Variants in ABCB11 observed in about 807,000 individuals in gnomAD.
ABCB11 encodes ATP binding cassette subfamily B member 11.
A neutral mutation model predicts 148.0 loss-of-function variants in ABCB11; 95 were observed. That is an observed-to-expected ratio of 0.64 (90% CI 0.54 to 0.76). The LOEUF is 0.76. Ranked by LOEUF, ABCB11 falls within the 30% of genes least tolerant of loss-of-function variation. The pLI is 0.00. For synonymous variants in ABCB11, 591 were observed against 555.4 expected (o/e 1.06, Z -0.90); for missense variants, 1,523 against 1,617.8 (o/e 0.94, Z 1.01).
chr2:168,965,255 T>G (rs1028854499), intron 17 of ABCB11, among the ~76,000 whole-genome samples: 1 of 151,694 alleles, frequency 6.6e-6, no homozygotes, highest in Non-Finnish European at 1.5e-5. Context: ...ATATACTGAG[T>G]ACATGACAAG....
chr2:168,968,127 C>T (rs1010746106), intron 17 of ABCB11, among the ~76,000 whole-genome samples: 1 of 79,306 alleles, frequency 1.3e-5, no homozygotes, highest in Non-Finnish European at 2.5e-5. Flanking sequence ...ACACTAAACA[C>T]AGATTTTTTT....
chr2:168,988,567 C>T (rs1335183271), intron 9 of ABCB11, among the ~76,000 whole-genome samples: 1 of 152,032 alleles, frequency 6.6e-6, no homozygotes, highest in Non-Finnish European at 1.5e-5. Context: ...AATAATGTTG[C>T]AGTGAATGTA....
intron 7 of ABCB11, 100 bp downstream of exon 7, chr2:168,995,249 A>C: frequency 7.4e-6 from 10 of 1,349,424 alleles, no homozygotes; most frequent in Non-Finnish European, 1.0e-5. Flanking sequence ...GATGAAACAT[A>C]GGAAAACTGA....
intron 19 of ABCB11, among the ~76,000 whole-genome samples, chr2:168,948,714 A>G (rs1250342430): frequency 6.6e-6 from 1 of 151,804 alleles, no homozygotes; most frequent in Non-Finnish European, 1.5e-5. Flanking sequence ...TTTTCAGCAT[A>G]AAAGTTTATG....
chr2:169,005,580 TC>T (rs1431864343), intron 5 of ABCB11, among the ~76,000 whole-genome samples: 5 of 152,090 alleles, frequency 3.3e-5, no homozygotes, highest in Admixed American at 3.3e-4. Context: ...TGAATCTATT[TC>T]CAGGCAGCCA....
At chr2:168,993,308 C>G (rs1694602465) in intron 8 of ABCB11, among the ~76,000 whole-genome samples, 1 of 151,962 alleles carries the variant, frequency 6.6e-6, no homozygotes, top group Non-Finnish European at 1.5e-5. Flanking sequence ...GTCAGAGCCC[C>G]TTAGACTTGA....
chr2:168,966,594 A>G (rs962639472), intron 17 of ABCB11, among the ~76,000 whole-genome samples: 5 of 151,888 alleles, frequency 3.3e-5, no homozygotes, highest in African/African-American at 1.2e-4. Context: ...ACTAAATACT[A>G]TCTTTCTCAA....
At chr2:168,991,494 A>G (rs551722353) in intron 8 of ABCB11, among the ~76,000 whole-genome samples, 1 of 152,236 alleles carries the variant, frequency 6.6e-6, no homozygotes, top group African/African-American at 2.4e-5. Flanking sequence ...TAGACACATT[A>G]CTTTTTCTAA....
chr2:169,030,335 G>T (rs1485881351), intron 1 of ABCB11, among the ~76,000 whole-genome samples: 1 of 152,104 alleles, frequency 6.6e-6, no homozygotes. Flanking sequence ...CAGTGTTACA[G>T]AGCACAGCAG....
In ABCB11 at chr2:168,971,919, A is replaced by G. The variant is rs1693595313; in HGVS notation, c.1566T>C (p.Asp522=). ...IAENIRYGRE[D]ATMEDIVQAA... ...CTTGGACTATGTCTTCCATTGTTGC[A>G]TCTTCTCTGCCATAGCGAATATTTT... The change falls in exon 14 of 28, where the codon GAT becomes GAC. Residue 522 remains aspartate, a synonymous_variant. Transcript: ENST00000650372. 1 of 1,613,016 alleles carries G rather than the reference A, an allele frequency of 6.2e-7. No individual in the cohort carries two copies. The highest frequency in any genetic ancestry group is 8.5e-7 in the Non-Finnish European group (1 of 1,179,426).
At chr2:168,951,624 C>T (rs960217568) in intron 19 of ABCB11, among the ~76,000 whole-genome samples, 3 of 151,434 alleles carry the variant, frequency 2.0e-5, no homozygotes, top group Non-Finnish European at 3.0e-5. Flanking sequence ...ACTGAATTCA[C>T]TTACTAAATT....
At position 168,935,468 on chromosome 2, in the gene ABCB11, A is replaced by C. The variant is rs747676817; in HGVS notation, c.2815-43T>G. On this transcript the variant is annotated intron_variant, in intron 22 of 27. Transcript: ENST00000650372. The stretch of plus-strand genomic sequence containing the variant: ...GTCTTAGGAATACAAGGGCAGAAAT[A>C]ACTCCTTTCGTGACATTTCAGTGGC... The C allele has an allele frequency of 3.2e-6, 5 of 1,577,792 alleles. No individual in the cohort carries two copies. In the South Asian group the frequency reaches 5.9e-5, roughly 19 times the overall value.
intron 19 of ABCB11, among the ~76,000 whole-genome samples, chr2:168,957,409 G>C (rs1692848235): frequency 6.6e-6 from 1 of 151,720 alleles, no homozygotes; most frequent in African/African-American, 2.4e-5. Flanking sequence ...AAGTCAGATA[G>C]AGAACATAAG....
In ABCB11 at chr2:168,935,234, A is replaced by G; in HGVS notation, c.3006T>C (p.Tyr1002=). The change falls in exon 23 of 28, where the codon TAT becomes TAC. Residue 1002 remains tyrosine, a synonymous_variant. Coordinates refer to ENST00000650372, the MANE Select transcript of ABCB11 (RefSeq NM_003742.4). ...MFIANSASYR[Y]GGYLISNEGL... is the part of the protein sequence containing the mutation. ...CCTCATTGGAGATTAAGTAACCTCC[A>G]TATCTGTAGGAAGCAGAATTCGCAA... The G allele has an allele frequency of 1.2e-6, 2 of 1,614,020 alleles. No homozygotes were observed. The highest frequency in any genetic ancestry group is 1.7e-6 in the Non-Finnish European group (2 of 1,179,896).
chr2:168,996,605 A>C, intron 6 of ABCB11, 30 bp downstream of exon 6: 1 of 1,318,458 alleles, frequency 7.6e-7, no homozygotes. Flanking sequence ...TCAGATATTG[A>C]TCTATAAATT....
At chr2:168,970,014 A>T in intron 15 of ABCB11, 31 bp downstream of exon 15, 1 of 1,397,534 alleles carries the variant, frequency 7.2e-7, no homozygotes. Context: ...TTCCACATGG[A>T]CCTGTAAAAT....
intron 7 of ABCB11, among the ~76,000 whole-genome samples, chr2:168,994,686 C>T (rs773141297): frequency 6.6e-5 from 10 of 152,082 alleles, no homozygotes; most frequent in Non-Finnish European, 1.5e-4. Flanking sequence ...AAGGCAATTG[C>T]TCCAGAATAT....
rs1308050903 is a variant in ABCB11 at position 168,929,101 on chromosome 2, A to G, written c.3411+1564T>C. ...AGGGAAGTCAGAAAGGCCACTTTCAAAATATAGGGATTAAACAATTAATCA... is the reference window on the plus strand; with the variant it reads ...AGGGAAGTCAGAAAGGCCACTTTCAGAATATAGGGATTAAACAATTAATCA... On this transcript the variant is annotated intron_variant, in intron 25 of 27. Transcript: ENST00000650372. Among the ~76,000 whole-genome samples the G allele has an allele frequency of 2.0e-5, 3 of 152,214 alleles. No individual in the cohort carries two copies. The East Asian group carries it at 5.8e-4, about 29-fold the overall frequency.
At chr2:168,935,105 G>T (rs554500965) in intron 23 of ABCB11, 79 bp downstream of exon 23, 246 of 1,568,398 alleles carry the variant, frequency 1.6e-4, no homozygotes, top group Non-Finnish European at 2.1e-4. Flanking sequence ...TTGCTAAGCA[G>T]CAAAAAGCTA....
Sources: allele counts gnomAD v4.1 joint callset (sites outside exome capture counted in the v4.1 genomes callset), GRCh38; gene constraint gnomAD v4.1.1; transcripts MANE v1.5; gene names NCBI Gene and HGNC (gene_info 2026-07-23, HGNC 2026-07-21).